Variants in FRMD1 observed in about 807,000 individuals in gnomAD.
FRMD1 encodes FERM domain containing 1.
FRMD1 carries 51 observed loss-of-function variants against 54.9 expected under a neutral mutation model. The ratio of observed to expected loss-of-function variants is 0.93; its 90% CI spans 0.74 to 1.17. FRMD1 has a LOEUF of 1.17. FRMD1 is among the 50% of genes most tolerant of loss of function. FRMD1 has a pLI of 0.00. For synonymous variants in FRMD1, 324 were observed against 306.4 expected (o/e 1.06, Z -0.60); for missense variants, 729 against 743.0 (o/e 0.98, Z 0.22).
At chr6:168,079,628 G>A (rs184816171), upstream of FRMD1, among the ~76,000 whole-genome samples, 383 of 152,302 alleles carry the variant, frequency 2.5e-3, 1 homozygote, top group African/African-American at 8.2e-3. Flanking sequence ...ATCTGTTATC[G>A]ACCTCAGGAA....
chr6:168,088,614 G>C (rs1800961927), intron 1 of FRMD1, among the ~76,000 whole-genome samples: 1 of 152,182 alleles, frequency 6.6e-6, no homozygotes, highest in South Asian at 2.1e-4. Flanking sequence ...ATCAGGACCA[G>C]AGGGCCAGAG....
At position 168,075,779 on chromosome 6, in the gene FRMD1, T is replaced by A. The variant is rs750955332; in HGVS notation, c.214-444A>T. 4.3e-5 allele frequency: 66 copies of A among 1,550,668 alleles called. 1 individual carries two copies. Among genetic ancestry groups the A allele is most frequent in the Non-Finnish European group, 5.7e-5 (65 of 1,146,956 alleles). The stretch of plus-strand genomic sequence containing the variant: ...ACTGATGCGAGTGATCCCAACAGTG[T>A]TCCTACAGCTGAGCCTCTCACGGCA... On this transcript the variant is annotated intron_variant, in intron 1 of 10. Transcript: ENST00000283309.
chr6:168,073,280 C>A (rs1209498596), intron 2 of FRMD1, among the ~76,000 whole-genome samples: 1 of 151,600 alleles, frequency 6.6e-6, no homozygotes, highest in Non-Finnish European at 1.5e-5. Context: ...CAAAGGGAGG[C>A]GCCCTCCAGC....
rs551925589 is a variant in FRMD1, at chr6:168,089,366, C to T, written c.-11-10342G>A. ...TTGTGGAGCAACACCAGCTCCTCCTCTAAGGCCCGTGGCCCTGGAGGGACT... is the reference window on the plus strand; with the variant it reads ...TTGTGGAGCAACACCAGCTCCTCCTTTAAGGCCCGTGGCCCTGGAGGGACT... On this transcript the variant is annotated intron_variant, in intron 1 of 12. Transcript: ENST00000644440. 2.4e-4 allele frequency among the ~76,000 whole-genome samples: 36 copies of T among 152,340 alleles called. No individual in the cohort carries two copies. The East Asian group carries it at 6.6e-3, about 28-fold the overall frequency.
At position 168,079,073 on chromosome 6, in the gene FRMD1, T is replaced by C; in HGVS notation, c.22A>G (p.Arg8Gly). MAVPPRG[R>G]GIDPARTNPD... ...TTTGTCCGGGCGGGGTCTATGCCCC[T>C]CCCTCTCGGGGGCACCGCCATGCTG... Residue 8 changes from arginine to glycine, a missense_variant, in exon 1 of 11, where the codon AGG becomes GGG. Arg to Gly is a moderately radical substitution (Grantham distance 125, BLOSUM62 -2). Coordinates refer to ENST00000283309, the MANE Select transcript of FRMD1 (RefSeq NM_024919.6). 1 of 1,605,714 alleles carries C rather than the reference T, an allele frequency of 6.2e-7. No individual in the cohort carries two copies. The highest frequency in any genetic ancestry group is 8.5e-7 in the Non-Finnish European group (1 of 1,178,618).
chr6:168,085,406 C>T (rs144608045), upstream of FRMD1, among the ~76,000 whole-genome samples: 1,073 of 152,296 alleles, frequency 7.0e-3, 10 homozygotes, highest in Middle Eastern at 0.031. Context: ...GCGGGGACAT[C>T]GGAGGAGCCC....
At chr6:168,091,750 G>C (rs1313305549) in intron 1 of FRMD1, among the ~76,000 whole-genome samples, 2 of 152,240 alleles carry the variant, frequency 1.3e-5, no homozygotes, top group African/African-American at 4.8e-5. Context: ...TAGCTCCTCA[G>C]ACAGACAGGC....
chr6:168,080,098 C>T (rs1305557697), upstream of FRMD1, among the ~76,000 whole-genome samples: 1 of 152,184 alleles, frequency 6.6e-6, no homozygotes, highest in East Asian at 1.9e-4. Flanking sequence ...GGGGTCTGGA[C>T]CTCCGGACGG....
At position 168,075,729 on chromosome 6, in the gene FRMD1, G is replaced by C. The variant is rs930489084; in HGVS notation, c.214-394C>G. On this transcript the variant is annotated intron_variant, in intron 1 of 10. Transcript: ENST00000283309. ...TTGGTTCCCCATGAGCGCGAGCATC[G>C]GTGTCTCACATCATCCATCGCCCAA... 4.6e-6 allele frequency: 7 copies of C among 1,536,532 alleles called. No individual in the cohort carries two copies. The Admixed American group carries it at 9.8e-5, about 22-fold the overall frequency.
At chr6:168,075,641 C>T (rs1389588119) in intron 1 of FRMD1, 3 of 924,862 alleles carry the variant, frequency 3.2e-6, no homozygotes, top group South Asian at 1.4e-5. Context: ...CAGGGACACA[C>T]GATGCAGCGT....
At chr6:168,084,337 C>T (rs183340028), upstream of FRMD1, among the ~76,000 whole-genome samples, 390 of 152,280 alleles carry the variant, frequency 2.6e-3, 1 homozygote, top group African/African-American at 8.4e-3. Flanking sequence ...CTGCGCGTGT[C>T]GGATTATGAT....
chr6:168,060,539 G>C (rs186058683), intron 9 of FRMD1, among the ~76,000 whole-genome samples: 1 of 152,138 alleles, frequency 6.6e-6, no homozygotes, highest in Non-Finnish European at 1.5e-5. Flanking sequence ...CAGGAGACTC[G>C]GGCACAGCAG....
intron 4 of FRMD1, chr6:168,066,173 C>T (rs1562416216): frequency 1.0e-6 from 1 of 987,416 alleles, no homozygotes; most frequent in African/African-American, 1.7e-5. Flanking sequence ...GGTATACCCA[C>T]CCTAGAGAGT....
intron 2 of FRMD1, among the ~76,000 whole-genome samples, chr6:168,073,805 ATGGAGTGTGGGTTCCGGTGT>A (rs1800425301): frequency 3.9e-5 from 6 of 152,126 alleles, no homozygotes; most frequent in African/African-American, 1.4e-4. Context: ...CACTGGGAGG[ATGGAGTGTGGGTTCCGGTGT>A]CCCGTGCAGG....
At chr6:168,090,473 C>T (rs1321520078) in intron 1 of FRMD1, among the ~76,000 whole-genome samples, 1 of 152,170 alleles carries the variant, frequency 6.6e-6, no homozygotes, top group Non-Finnish European at 1.5e-5. Flanking sequence ...CACATGCTGT[C>T]TGAGGAGCTC....
intron 1 of FRMD1, among the ~76,000 whole-genome samples, chr6:168,077,554 C>T (rs1052359558): frequency 1.3e-5 from 2 of 152,122 alleles, no homozygotes; most frequent in Non-Finnish European, 2.9e-5. Context: ...CACAGATGTG[C>T]GCACACCCCG....
chr6:168,083,484 A>G (rs1223038953), upstream of FRMD1, among the ~76,000 whole-genome samples: 3 of 152,246 alleles, frequency 2.0e-5, no homozygotes, highest in African/African-American at 4.8e-5. Context: ...AACCAGAACA[A>G]TCTCCCATCG....
chr6:168,073,717 G>A (rs1174279968), intron 2 of FRMD1, among the ~76,000 whole-genome samples: 1 of 152,172 alleles, frequency 6.6e-6, no homozygotes, highest in Non-Finnish European at 1.5e-5. Context: ...ACACAGGACG[G>A]TCACAGCAAG....
At chr6:168,062,837 G>A in intron 7 of FRMD1, 57 bp downstream of exon 7, 1 of 1,604,264 alleles carries the variant, frequency 6.2e-7, no homozygotes, top group South Asian at 1.1e-5. Context: ...GTGGGGAAGG[G>A]AGGAGGGGGT....
Sources: allele counts gnomAD v4.1 joint callset (sites outside exome capture counted in the v4.1 genomes callset), GRCh38; gene constraint gnomAD v4.1.1; transcripts MANE v1.5; gene names NCBI Gene and HGNC (gene_info 2026-07-23, HGNC 2026-07-21).